TRIP4: variants seen among roughly 807,000 people sequenced by gnomAD.
TRIP4 encodes thyroid hormone receptor interactor 4, also known as activating signal cointegrator 1.
In TRIP4, 54 loss-of-function variants were observed where a neutral mutation model predicts 81.8. That is an observed-to-expected ratio of 0.66 (90% CI 0.53 to 0.83). The LOEUF (loss-of-function observed/expected upper bound fraction) is 0.83. Ranked by LOEUF, TRIP4 falls within the 40% of genes least tolerant of loss-of-function variation. TRIP4 has a pLI of 0.00. For synonymous variants in TRIP4, 270 were observed against 242.8 expected (o/e 1.11, Z -1.04); for missense variants, 662 against 683.6 (o/e 0.97, Z 0.35).
At chr15:64,392,076 A>G (rs1452169621) in intron 1 of TRIP4, among the ~76,000 whole-genome samples, 1 of 151,498 alleles carries the variant, frequency 6.6e-6, no homozygotes, top group Non-Finnish European at 1.5e-5. Flanking sequence ...GGACTTCGAG[A>G]CCAGCCTGGC....
intron 1 of TRIP4, 106 bp from the exon 2 acceptor site, chr15:64,393,840 T>A: frequency 8.8e-7 from 1 of 1,141,376 alleles, no homozygotes; most frequent in South Asian, 2.1e-5. Context: ...AAGTAAACAC[T>A]CTAATAGATT....
rs1481583799 is a variant in TRIP4 at position 64,395,313 on chromosome 15, C to T, written c.272-85C>T. 4 of 1,182,982 alleles carry T rather than the reference C, an allele frequency of 3.4e-6. No individual in the cohort carries two copies. The Admixed American group carries it at 1.2e-4, about 34-fold the overall frequency. 73.3% of individuals were successfully genotyped at this position (1,182,982 alleles called of 1,614,324 possible). ...TCTTGACTCTAAATATTAAGCATCA[C>T]CTTAGTTTATTAGCTATATTAGTTC... On this transcript the variant is annotated intron_variant, in intron 2 of 12. Transcript: ENST00000261884.
At chr15:64,430,364 C>T (rs1434022174) in intron 11 of TRIP4, among the ~76,000 whole-genome samples, 15 of 152,250 alleles carry the variant, frequency 9.9e-5, no homozygotes, top group Admixed American at 9.8e-4. Context: ...TGTGATTCCC[C>T]TGGAAGGAGC....
chr15:64,388,103 T>C (rs1900003705), intron 1 of TRIP4, 139 bp downstream of exon 1: 1 of 1,317,752 alleles, frequency 7.6e-7, no homozygotes, highest in Non-Finnish European at 9.7e-7. Flanking sequence ...AGGCGTCGAA[T>C]TTTGGCCTCC....
rs1389325162 is a variant in TRIP4, at chr15:64,414,169, G to A, written c.1128G>A (p.Leu376=). 6.2e-7 allele frequency: 1 copy of A among 1,614,056 alleles called. No homozygotes were observed. The highest frequency in any genetic ancestry group is 8.5e-7 in the Non-Finnish European group (1 of 1,179,998). ...TKLDRSSEEP[L]GVLVNPNMYQ... ...TGGATAGATCTTCTGAAGAGCCTTT[G>A]GGAGTTCTGGTAAATCCCAACATGT... The change falls in exon 8 of 13, where the codon TTG becomes TTA. Residue 376 remains leucine (L), a synonymous_variant. Coordinates refer to ENST00000261884, the MANE Select transcript of TRIP4 (RefSeq NM_016213.5).
intron 5 of TRIP4, among the ~76,000 whole-genome samples, chr15:64,405,458 G>C (rs1891603384): frequency 6.6e-6 from 1 of 152,122 alleles, no homozygotes; most frequent in African/African-American, 2.4e-5. Flanking sequence ...CCGGCCACTG[G>C]TCTAATTTCT....
At position 64,395,839 on chromosome 15, in the gene TRIP4, C is replaced by T. The variant is rs183894975; in HGVS notation, c.405+308C>T. Among the ~76,000 whole-genome samples the T allele has an allele frequency of 1.7e-3, 251 of 150,964 alleles. 1 individual carries two copies. Among genetic ancestry groups the T allele is most frequent in the Non-Finnish European group, 2.2e-3 (151 of 67,874 alleles). ...CATTGCAACCTCCGCTTCCTGGGTTCAAGTGATTCTCCTGCATCAGTCTCC... is the reference window on the plus strand; with the variant it reads ...CATTGCAACCTCCGCTTCCTGGGTTTAAGTGATTCTCCTGCATCAGTCTCC... On this transcript the variant is annotated intron_variant, in intron 3 of 12. Transcript: ENST00000261884.
intron 11 of TRIP4, among the ~76,000 whole-genome samples, chr15:64,431,848 T>TATA (rs879733141): frequency 3.6e-4 from 3 of 8,268 alleles, no homozygotes; most frequent in Admixed American, 4.6e-3. Context: ...TATATATATA[T>TATA]TTTTTTTATC....
chr15:64,406,375 TTCC>T lies in TRIP4; in HGVS notation c.746_748del (p.Pro249del), dbSNP rs2140289657. 6.2e-7 allele frequency: 1 copy of T among 1,614,180 alleles called. No homozygotes were observed. Among genetic ancestry groups the T allele is most frequent in the South Asian group, 1.1e-5 (1 of 91,086 alleles). On this transcript the variant is annotated inframe_deletion, in exon 6 of 13. Coordinates refer to ENST00000261884, the MANE Select transcript of TRIP4 (RefSeq NM_016213.5). ...GTGGACATCTCTACCAAGGACCTTC[TTCC>T]TCATCAAGAATTGCGAATTAAGTCT...
intron 9 of TRIP4, among the ~76,000 whole-genome samples, chr15:64,419,549 G>A (rs1023855598): frequency 2.0e-5 from 3 of 151,480 alleles, no homozygotes; most frequent in African/African-American, 7.3e-5. Context: ...TAGTAGAGAC[G>A]GGGTTTCACC....
At chr15:64,391,697 G>A (rs892580272) in intron 1 of TRIP4, among the ~76,000 whole-genome samples, 5 of 151,616 alleles carry the variant, frequency 3.3e-5, no homozygotes, top group African/African-American at 1.2e-4. Flanking sequence ...TTGGCCAGGT[G>A]CAGTGGCTCA....
At chr15:64,438,695 A>G (rs1453793381) in intron 11 of TRIP4, among the ~76,000 whole-genome samples, 2 of 152,224 alleles carry the variant, frequency 1.3e-5, no homozygotes, top group Non-Finnish European at 2.9e-5. Flanking sequence ...GGTGATTCCC[A>G]GTTAGGCCTT....
rs901615989 is a variant in TRIP4, at chr15:64,423,897, C to T, written c.1359-134C>T. ...AGAAAAGTGTTTTTGACAAAAGATACTGCTCTTGAGAAGGCATCATCTATA... is the reference window on the plus strand; with the variant it reads ...AGAAAAGTGTTTTTGACAAAAGATATTGCTCTTGAGAAGGCATCATCTATA... On this transcript the variant is annotated intron_variant, in intron 9 of 12. Coordinates refer to ENST00000261884, the MANE Select transcript of TRIP4 (RefSeq NM_016213.5). 3.1e-6 allele frequency: 3 copies of T among 981,810 alleles called. No individual in the cohort carries two copies. The African/African-American group carries it at 4.9e-5, about 16-fold the overall frequency. The allele number at this position is 981,810 out of a possible 1,614,324, so 60.8% of individuals were successfully genotyped here.
intron 4 of TRIP4, among the ~76,000 whole-genome samples, chr15:64,400,089 G>A (rs566528020): frequency 1.3e-5 from 2 of 151,342 alleles, no homozygotes; most frequent in Non-Finnish European, 2.9e-5. Flanking sequence ...AAGCAACCCA[G>A]TTCTAATCAT....
chr15:64,411,085 G>GTAAAC (rs1596344154), intron 7 of TRIP4, among the ~76,000 whole-genome samples: 1 of 152,202 alleles, frequency 6.6e-6, no homozygotes, highest in East Asian at 1.9e-4. Context: ...CTGTGAATGG[G>GTAAAC]AGTATTAAAA....
At chr15:64,419,824 TC>T (rs1291287149) in intron 9 of TRIP4, among the ~76,000 whole-genome samples, 1 of 151,808 alleles carries the variant, frequency 6.6e-6, no homozygotes, top group East Asian at 1.9e-4. Context: ...TTTCTATCTT[TC>T]TTTTTTTTGA....
chr15:64,434,400 A>G (rs1892343195), intron 11 of TRIP4, among the ~76,000 whole-genome samples: 3 of 67,330 alleles, frequency 4.5e-5, no homozygotes, highest in Admixed American at 1.9e-4. Context: ...ACTCCGTCTC[A>G]AGAAAAAAAA....
chr15:64,425,643 A>G lies in TRIP4; in HGVS notation c.1575+12A>G. 6.3e-7 allele frequency: 1 copy of G among 1,598,726 alleles called. No homozygotes were observed. Among genetic ancestry groups the G allele is most frequent in the Non-Finnish European group, 8.5e-7 (1 of 1,172,144 alleles). ...AATTTAAGGAGCAGGTGAGTAAAGA[A>G]TACTTTTTTTTTTTAGAGACAGGGT... On this transcript the variant is annotated intron_variant, in intron 11 of 12. Transcript: ENST00000261884.
intron 1 of TRIP4, among the ~76,000 whole-genome samples, chr15:64,389,799 C>T (rs147174879): frequency 0.013 from 1,924 of 149,464 alleles, 32 homozygotes; most frequent in African/African-American, 0.046. Flanking sequence ...CCGCCTCCCA[C>T]GTTCAAGCGA....
Sources: allele counts gnomAD v4.1 joint callset (sites outside exome capture counted in the v4.1 genomes callset), GRCh38; gene constraint gnomAD v4.1.1; transcripts MANE v1.5; gene names NCBI Gene and HGNC (gene_info 2026-07-23, HGNC 2026-07-21).